Variants in PAX8 observed in about 807,000 individuals in gnomAD.
The protein encoded by PAX8 is paired box 8.
In PAX8, 15 loss-of-function variants were observed where a neutral mutation model predicts 52.4. The ratio of observed to expected loss-of-function variants is 0.29; its 90% confidence interval spans 0.19 to 0.44. The LOEUF (loss-of-function observed/expected upper bound fraction) is 0.44. PAX8 is among the 20% of genes least tolerant of loss of function. The pLI, the probability that PAX8 is intolerant of heterozygous loss-of-function variation, is 1.00. For synonymous variants in PAX8, 284 were observed against 249.7 expected, an observed-to-expected ratio of 1.14 and a Z score of -1.29; for missense variants, 554 against 602.5, an observed-to-expected ratio of 0.92 and a Z score of 0.84.
At chr2:113,244,363 CTT>C in intron 4 of PAX8, 62 bp downstream of exon 4, 8 of 1,292,740 alleles carry the variant, frequency 6.2e-6, no homozygotes, top group Non-Finnish European at 7.8e-6. Context: ...TTTCTTGTCT[CTT>C]TCCTGATTTC....
At chr2:113,274,160 A>G (rs1005699360) in intron 2 of PAX8, 7 of 152,226 alleles carry the variant, frequency 4.6e-5, no homozygotes. Context: ...CTTTAATAAT[A>G]AAATAAACAT....
At chr2:113,257,774 G>A (rs1017378128) in intron 2 of PAX8, among the ~76,000 whole-genome samples, 14 of 152,148 alleles carry the variant, frequency 9.2e-5, no homozygotes, top group Non-Finnish European at 1.8e-4. Context: ...CAATGCCTAA[G>A]AATAATAATC....
chr2:113,235,769 A>C (rs2104457527), intron 8 of PAX8, 187 bp from the exon 9 acceptor site: 15 of 560,522 alleles, frequency 2.7e-5, no homozygotes, highest in South Asian at 4.6e-5. Context: ...GAGAAGCTAG[A>C]CCTCCCTGCT....
chr2:113,259,881 G>T (rs1228674369), intron 2 of PAX8, among the ~76,000 whole-genome samples: 1 of 152,232 alleles, frequency 6.6e-6, no homozygotes, highest in African/African-American at 2.4e-5. Context: ...GGCTGCAGAA[G>T]GAAGGTCCAG....
At chr2:113,261,983 C>A (rs1483313820) in intron 2 of PAX8, among the ~76,000 whole-genome samples, 1 of 152,116 alleles carries the variant, frequency 6.6e-6, no homozygotes, top group Non-Finnish European at 1.5e-5. Flanking sequence ...CCGCCCACCA[C>A]CATGCCCAGC....
chr2:113,221,977 A>C (rs955707479), intron 10 of PAX8, among the ~76,000 whole-genome samples: 36 of 152,158 alleles, frequency 2.4e-4, no homozygotes, highest in South Asian at 4.2e-4. Context: ...AGAAAAAAAA[A>C]CCTAAGAAAT....
At chr2:113,271,143 C>A (rs7595282) in intron 2 of PAX8, 2 of 152,210 alleles carry the variant, frequency 1.3e-5, no homozygotes, top group East Asian at 3.9e-4. Context: ...ACATAACAAC[C>A]GGCACCTCCA....
chr2:113,231,080 A>G (rs1389063787), intron 9 of PAX8, among the ~76,000 whole-genome samples: 1 of 152,234 alleles, frequency 6.6e-6, no homozygotes, highest in Non-Finnish European at 1.5e-5. Context: ...AGGTGATTTC[A>G]GACTATTTTA....
At position 113,235,422 on chromosome 2, in the gene PAX8, C is replaced by A; in HGVS notation, c.1059G>T (p.Gly353=). Residue 353 remains glycine, a synonymous_variant, in exon 9 of 12, where the codon GGG becomes GGT. Coordinates refer to ENST00000429538, the MANE Select transcript of PAX8 (RefSeq NM_003466.4). Reference sequence around the variant, plus strand: ...AGAGGAGGGCCTGGCCCGTGAACTGCCCGTACACGGAGGCAGCATGGGGAA... The same window carrying A: ...AGAGGAGGGCCTGGCCCGTGAACTGACCGTACACGGAGGCAGCATGGGGAA... The part of the protein sequence containing the change: ...NAFPHAASVY[G]QFTGQALLSG... The A allele has an allele frequency of 1.3e-6, 2 of 1,598,814 alleles. No individual in the cohort carries two copies. Among genetic ancestry groups the A allele is most frequent in the Non-Finnish European group, 1.7e-6 (2 of 1,172,760 alleles).
chr2:113,247,295 G>A (rs1691408809), intron 2 of PAX8, among the ~76,000 whole-genome samples: 1 of 152,138 alleles, frequency 6.6e-6, no homozygotes. Flanking sequence ...TTTGACCTTG[G>A]GGAAAACCCC....
chr2:113,226,560 G>A, intron 10 of PAX8: 2 of 1,005,234 alleles, frequency 2.0e-6, no homozygotes, highest in Non-Finnish European at 2.4e-6. Context: ...GCTACTCCAG[G>A]CTCATTTCAT....
At chr2:113,241,042 C>T (rs1422262870) in intron 7 of PAX8, 2 of 218,216 alleles carry the variant, frequency 9.2e-6, no homozygotes, top group East Asian at 1.2e-4. Context: ...TTTTTCCATG[C>T]AGAGAAGTGG....
chr2:113,224,107 GGATA>G (rs1245215422), intron 10 of PAX8, among the ~76,000 whole-genome samples: 1 of 152,066 alleles, frequency 6.6e-6, no homozygotes, highest in African/African-American at 2.4e-5. Flanking sequence ...GATGATGAAA[GGATA>G]GATGGAAAGA....
chr2:113,220,426 G>A, intron 10 of PAX8: 2 of 469,226 alleles, frequency 4.3e-6, no homozygotes, highest in Non-Finnish European at 7.7e-6. Flanking sequence ...ACATACTACA[G>A]CCCTCCCAGG....
chr2:113,218,742 C>T (rs1174174027), intron 11 of PAX8, 133 bp from the exon 12 acceptor site: 24 of 582,602 alleles, frequency 4.1e-5, no homozygotes, highest in East Asian at 6.0e-5. Flanking sequence ...ATCTGATCAT[C>T]GAAGATTAAC....
At chr2:113,272,341 A>T (rs1693517744) in intron 2 of PAX8, 4 of 152,218 alleles carry the variant, frequency 2.6e-5, no homozygotes, top group Admixed American at 1.3e-4. Flanking sequence ...AGTGGCTTAT[A>T]TAAGAGAAAT....
intron 10 of PAX8, chr2:113,226,247 A>G: frequency 1.0e-6 from 1 of 985,456 alleles, no homozygotes. Flanking sequence ...CTCTGGGGTC[A>G]CAGCCAGAGA....
intron 2 of PAX8, chr2:113,271,580 G>A (rs1693461105): frequency 6.6e-6 from 1 of 151,432 alleles, no homozygotes; most frequent in African/African-American, 2.4e-5. Context: ...TGGAGAGTGG[G>A]GAACACTGAT....
rs950353116 is a variant in PAX8 at position 113,217,591 on chromosome 2, G to T, written c.*942C>A. 7.4e-5 allele frequency: 17 copies of T among 230,044 alleles called. No individual in the cohort carries two copies. Among genetic ancestry groups the T allele is most frequent in the Non-Finnish European group, 1.4e-4 (16 of 116,040 alleles). The allele number at this position is 230,044 out of a possible 1,614,324, so 14.3% of individuals were successfully genotyped here. A position where few individuals can be genotyped will look rare whatever the true frequency, so the allele number is the denominator to read the frequency against. ...GGGGAGCAGAGAGGGACCCTCTATC[G>T]CTGGCTTCAGGGGGTGCCTTGGGTC... On this transcript the variant is annotated 3_prime_UTR_variant, in exon 12 of 12. Coordinates refer to ENST00000429538, the MANE Select transcript of PAX8 (RefSeq NM_003466.4).
Sources: allele counts gnomAD v4.1 joint callset (sites outside exome capture counted in the v4.1 genomes callset), GRCh38; gene constraint gnomAD v4.1.1; transcripts MANE v1.5; gene names NCBI Gene and HGNC (gene_info 2026-07-23, HGNC 2026-07-21).